The following ZFHX3 variants were observed in gnomAD, a reference collection of about 807,000 sequenced individuals.
The protein encoded by ZFHX3 is zinc finger homeobox protein 3.
In ZFHX3, 42 loss-of-function variants were observed where a neutral mutation model predicts 279.1. The observed-to-expected ratio is 0.15, with a 90% CI of 0.12 to 0.19. ZFHX3 has a LOEUF of 0.19. Ranked by LOEUF, ZFHX3 falls within the 10% of genes least tolerant of loss-of-function variation. ZFHX3 has a pLI of 1.00. For synonymous variants in ZFHX3, 2,293 were observed against 1,957.8 expected, an observed-to-expected ratio of 1.17 and a Z score of -4.52; for missense variants, 4,981 against 4,754.0, an observed-to-expected ratio of 1.05 and a Z score of -1.40.
At chr16:73,358,404 A>C (rs927672134) in intron 3 of ZFHX3, among the ~76,000 whole-genome samples, 13 of 152,192 alleles carry the variant, frequency 8.5e-5, no homozygotes, top group African/African-American at 3.1e-4. Context: ...CGGGAAACCG[A>C]GCGCAGCCTC....
At chr16:73,474,129 T>TTTA (rs2018722541) in intron 2 of ZFHX3, among the ~76,000 whole-genome samples, 3 of 148,704 alleles carry the variant, frequency 2.0e-5, no homozygotes, top group Non-Finnish European at 4.4e-5. Context: ...TCTCGCTCTT[T>TTTA]TTTATTTATT....
chr16:73,154,609 C>T (rs1009960377), intron 5 of ZFHX3, among the ~76,000 whole-genome samples: 2 of 152,136 alleles, frequency 1.3e-5, no homozygotes, highest in African/African-American at 4.8e-5. Flanking sequence ...GGTGACTCTG[C>T]AGTAGGTTTA....
intron 1 of ZFHX3, among the ~76,000 whole-genome samples, chr16:73,695,240 T>TCG (rs764158383): frequency 6.3e-5 from 5 of 79,326 alleles, no homozygotes; most frequent in Non-Finnish European, 1.5e-4. Context: ...CAGTTTTTTT[T>TCG]TGTTTTTTTT....
chr16:73,592,978 A>C (rs577941664), intron 2 of ZFHX3, among the ~76,000 whole-genome samples: 1 of 152,226 alleles, frequency 6.6e-6, no homozygotes, highest in South Asian at 2.1e-4. Context: ...AAATAAGACG[A>C]TATCATAAAT....
chr16:72,825,144 A>G (rs1016221071), intron 5 of ZFHX3, among the ~76,000 whole-genome samples: 8 of 152,252 alleles, frequency 5.3e-5, no homozygotes, highest in African/African-American at 1.9e-4. Context: ...AAGTGCCTCA[A>G]TCAAGGTCAT....
intron 1 of ZFHX3, among the ~76,000 whole-genome samples, chr16:73,875,575 C>G (rs2029921022): frequency 6.6e-6 from 1 of 152,044 alleles, no homozygotes; most frequent in Non-Finnish European, 1.5e-5. Context: ...TTTTCCACTT[C>G]CAAATATGTG....
intron 8 of ZFHX3, among the ~76,000 whole-genome samples, chr16:73,075,986 T>G (rs748999665): frequency 4.6e-5 from 7 of 152,160 alleles, no homozygotes; most frequent in Non-Finnish European, 8.8e-5. Flanking sequence ...TACCAAAGGC[T>G]TGGGTTCCAG....
chr16:73,456,590 G>C (rs1597342491), intron 2 of ZFHX3, among the ~76,000 whole-genome samples: 1 of 152,208 alleles, frequency 6.6e-6, no homozygotes, highest in Non-Finnish European at 1.5e-5. Flanking sequence ...ACCACAGCCA[G>C]CTTTGACAGA....
chr16:73,418,955 G>C (rs8060270), intron 3 of ZFHX3, among the ~76,000 whole-genome samples: 33,550 of 152,102 alleles, frequency 0.22, 5,213 homozygotes, highest in African/African-American at 0.41. Context: ...TCCAGATCCT[G>C]AAATCTCGTG....
At chr16:73,225,607 A>T (rs976272508) in intron 5 of ZFHX3, among the ~76,000 whole-genome samples, 22 of 152,170 alleles carry the variant, frequency 1.4e-4, no homozygotes, top group African/African-American at 5.3e-4. Flanking sequence ...AAAATAAAAA[A>T]ATAAAAAAAT....
At position 73,108,561 on chromosome 16, in the gene ZFHX3, T is replaced by C. The variant is rs898127631; in HGVS notation, c.-896-14963A>G. Among the ~76,000 whole-genome samples, 11 of 152,056 alleles carry C rather than the reference T, an allele frequency of 7.2e-5. 1 individual carries two copies. The highest frequency in any genetic ancestry group is 2.0e-4 in the Admixed American group (3 of 15,258). On this transcript the variant is annotated intron_variant, in intron 7 of 17. Coordinates refer to the ZFHX3 transcript ENST00000641206. ...TGGGATTACACCCAGTGGATGTATG[T>C]TATTGTGTAAACTAAATTTTGGATA...
At position 72,788,139 on chromosome 16, in the gene ZFHX3, C is replaced by A; in HGVS notation, c.10137G>T (p.Gln3379His). ...GCTGCTGCTGCTGTAGTTGCCGCTGCTGCTGCTGCTGAATTGCCTCCTGCA... is the reference window on the plus strand; with the variant it reads ...GCTGCTGCTGCTGTAGTTGCCGCTGATGCTGCTGCTGAATTGCCTCCTGCA... ...QSLQEAIQQQ[Q>H]QRQLQQQQQQ... is the part of the protein sequence containing the mutation. Residue 3379 changes from glutamine to histidine, a missense_variant, in exon 10 of 10, where the codon CAG (glutamine) becomes CAT (histidine). By Grantham distance (24) the Gln-to-His change is conservative. This residue lies in a region of ZFHX3 where 1,034 missense variants were observed against 786.0 expected (regional missense o/e 1.32). Coordinates refer to ENST00000268489, the MANE Select transcript of ZFHX3 (RefSeq NM_006885.4). 6.2e-7 allele frequency: 1 copy of A among 1,611,476 alleles called. No homozygotes were observed. Among genetic ancestry groups the A allele is most frequent in the Non-Finnish European group, 8.5e-7 (1 of 1,179,524 alleles).
At chr16:73,457,579 C>T (rs2018395318) in intron 2 of ZFHX3, among the ~76,000 whole-genome samples, 1 of 152,096 alleles carries the variant, frequency 6.6e-6, no homozygotes, top group Admixed American at 6.5e-5. Context: ...TCAAGACCAG[C>T]CTGACCAACA....
upstream of ZFHX3, among the ~76,000 whole-genome samples, chr16:73,064,022 TTTAA>T (rs1158858374): frequency 1.3e-5 from 2 of 152,100 alleles, no homozygotes; most frequent in Non-Finnish European, 1.5e-5. Flanking sequence ...CAAAAGGCGC[TTTAA>T]TTGAGAACGA....
At chr16:73,012,940 G>A (rs1805630439) in intron 1 of ZFHX3, among the ~76,000 whole-genome samples, 1 of 152,198 alleles carries the variant, frequency 6.6e-6, no homozygotes, top group East Asian at 1.9e-4. Context: ...AGCAGAAAAT[G>A]TATCCATGCT....
At chr16:73,782,509 G>A (rs956355919) in intron 1 of ZFHX3, among the ~76,000 whole-genome samples, 2 of 152,146 alleles carry the variant, frequency 1.3e-5, no homozygotes, top group African/African-American at 4.8e-5. Flanking sequence ...TTTTCTGGTG[G>A]CAGTTATTCA....
chr16:73,105,410 C>CACACACACACACATATATATATATAT (rs1200521848), intron 7 of ZFHX3, among the ~76,000 whole-genome samples: 5 of 116,948 alleles, frequency 4.3e-5, no homozygotes, highest in East Asian at 5.1e-4. Flanking sequence ...TATATATATA[C>CACACACACACACATATATATATATAT]ACACACACAT....
intron 3 of ZFHX3, among the ~76,000 whole-genome samples, chr16:73,328,942 A>G (rs1187239615): frequency 6.6e-6 from 1 of 152,236 alleles, no homozygotes; most frequent in Non-Finnish European, 1.5e-5. Flanking sequence ...TCAGCGAATT[A>G]GCACATCGAA....
intron 1 of ZFHX3, among the ~76,000 whole-genome samples, chr16:73,792,565 A>C (rs1462331748): frequency 2.0e-5 from 3 of 152,192 alleles, no homozygotes; most frequent in Non-Finnish European, 2.9e-5. Context: ...TAGGTTCCAG[A>C]TGTTCAGCCG....
Sources: gnomAD v4.1 joint callset for allele counts (sites outside exome capture counted in the v4.1 genomes callset) on GRCh38, gnomAD v4.1.1 for gene constraint, gnomAD v4.1.1 regional missense constraint, MANE v1.5 for transcripts, NCBI Gene and HGNC (gene_info 2026-07-23, HGNC 2026-07-21) for gene names.